FARP2: variants seen among roughly 807,000 people sequenced by gnomAD.
FARP2 encodes FERM, ARHGEF and pleckstrin domain-containing protein 2.
FARP2 carries 111 observed loss-of-function variants against 130.5 expected under a neutral mutation model. That is an observed-to-expected ratio of 0.85 (90% CI 0.73 to 1.00). The LOEUF (loss-of-function observed/expected upper bound fraction) is 1.00, where lower values mean the gene tolerates loss of function less well. Among genes scored for constraint, FARP2 ranks in the 50% least tolerant of loss-of-function variants. FARP2 has a pLI of 0.00. For synonymous variants in FARP2, 504 were observed against 516.9 expected, an observed-to-expected ratio of 0.98 and a Z score of 0.34; for missense variants, 1,385 against 1,346.3, an observed-to-expected ratio of 1.03 and a Z score of -0.45.
intron 18 of FARP2, among the ~76,000 whole-genome samples, chr2:241,469,334 C>T (rs1401209054): frequency 2.0e-5 from 3 of 152,140 alleles, no homozygotes; most frequent in African/African-American, 7.2e-5. Flanking sequence ...ATCCGCCTGC[C>T]TCAACCTCCC....
At chr2:241,369,095 T>C (rs373479769) in intron 1 of FARP2, among the ~76,000 whole-genome samples, 7 of 152,184 alleles carry the variant, frequency 4.6e-5, no homozygotes, top group African/African-American at 1.7e-4. Context: ...CTGTCTGGGC[T>C]AAATGAAAAT....
chr2:241,381,407 GA>G (rs1479694082), intron 2 of FARP2, among the ~76,000 whole-genome samples: 1 of 152,106 alleles, frequency 6.6e-6, no homozygotes, highest in Admixed American at 6.6e-5. Flanking sequence ...CTGGAGCGTG[GA>G]CTTCCCACCT....
At chr2:241,493,730 G>T (rs1485369023) in intron 26 of FARP2, 1 of 512,836 alleles carries the variant, frequency 1.9e-6, no homozygotes, top group Non-Finnish European at 3.5e-6. Context: ...GAGTAACTGA[G>T]ATTACAGGCA....
chr2:241,493,697 C>T (rs1432301447), intron 26 of FARP2: 7 of 532,518 alleles, frequency 1.3e-5, no homozygotes, highest in Middle Eastern at 5.0e-4. Flanking sequence ...AGGGTTCAAG[C>T]GATTCTTCTG....
intron 13 of FARP2, among the ~76,000 whole-genome samples, chr2:241,449,880 G>A (rs544471016): frequency 3.3e-5 from 5 of 151,966 alleles, no homozygotes; most frequent in African/African-American, 1.2e-4. Flanking sequence ...GGTGGCGGGT[G>A]CCTGTAATCC....
At chr2:241,441,164 A>G (rs2063372912) in intron 12 of FARP2, 140 bp from the exon 13 acceptor site, 2 of 687,248 alleles carry the variant, frequency 2.9e-6, no homozygotes, top group South Asian at 2.1e-5. Flanking sequence ...TACAAGGGAA[A>G]GTCTAGTGAA....
chr2:241,437,733 C>T (rs922473559), intron 12 of FARP2, among the ~76,000 whole-genome samples: 8 of 149,818 alleles, frequency 5.3e-5, no homozygotes, highest in Non-Finnish European at 1.0e-4. Context: ...GGCGCGATCT[C>T]GGCTCACTGC....
chr2:241,356,559 C>A (rs1036150176), intron 1 of FARP2, among the ~76,000 whole-genome samples, 171 bp downstream of exon 1: 1 of 152,234 alleles, frequency 6.6e-6, no homozygotes, highest in African/African-American at 2.4e-5. Context: ...GGCTGGAGCT[C>A]CTAGGCGGGT....
At chr2:241,449,698 C>G (rs889445712) in intron 13 of FARP2, among the ~76,000 whole-genome samples, 12 of 151,710 alleles carry the variant, frequency 7.9e-5, no homozygotes, top group African/African-American at 2.9e-4. Flanking sequence ...GAGACTGCCA[C>G]AAAGAAAATC....
chr2:241,474,746 C>A (rs572182803), intron 18 of FARP2, among the ~76,000 whole-genome samples: 1 of 151,482 alleles, frequency 6.6e-6, no homozygotes, highest in South Asian at 2.1e-4. Flanking sequence ...GAGCCAAGAT[C>A]GTGCCACTGC....
chr2:241,407,032 TCTC>T (rs2062377061), intron 4 of FARP2, among the ~76,000 whole-genome samples: 1 of 151,864 alleles, frequency 6.6e-6, no homozygotes, highest in African/African-American at 2.4e-5. Context: ...ATGGTCTCGA[TCTC>T]CTGACCTTGT....
In FARP2 at chr2:241,373,149, A is replaced by G; in HGVS notation, c.42A>G (p.Ala14=). 6.5e-7 allele frequency: 1 copy of G among 1,542,622 alleles called. No individual in the cohort carries two copies. Among genetic ancestry groups the G allele is most frequent in the South Asian group, 1.2e-5 (1 of 83,160 alleles). ...IEGTYRVLQT[A]GMRLGAQTPV... Reference sequence around the variant, plus strand: ...GAACATACAGAGTCCTGCAGACTGCAGGGATGCGCTTGGGTGCCCAGACCC... The same window carrying G: ...GAACATACAGAGTCCTGCAGACTGCGGGGATGCGCTTGGGTGCCCAGACCC... The change falls in exon 2 of 27, where the codon GCA becomes GCG. Residue 14 remains alanine (A), a synonymous_variant. Transcript: ENST00000264042.
intron 8 of FARP2, among the ~76,000 whole-genome samples, chr2:241,427,137 A>C (rs1426842104): frequency 2.0e-5 from 3 of 152,160 alleles, no homozygotes; most frequent in Admixed American, 2.0e-4. Flanking sequence ...CAGGAGGCTG[A>C]GGTAGGAGAA....
At chr2:241,489,161 G>T (rs1174009249) in intron 21 of FARP2, 3 of 152,208 alleles carry the variant, frequency 2.0e-5, no homozygotes, top group African/African-American at 7.2e-5. Context: ...AGGCTTGGTT[G>T]GTGTATCAGG....
chr2:241,407,760 C>T, intron 5 of FARP2, 145 bp downstream of exon 5: 1 of 603,322 alleles, frequency 1.7e-6, no homozygotes, highest in Admixed American at 3.1e-5. Flanking sequence ...TTAACAGAAG[C>T]ATGTTGGCAG....
At chr2:241,396,658 G>A (rs535650011) in intron 2 of FARP2, among the ~76,000 whole-genome samples, 1 of 152,286 alleles carries the variant, frequency 6.6e-6, no homozygotes, top group South Asian at 2.1e-4. Flanking sequence ...CAGTTAGAAT[G>A]GCGATCATTA....
intron 2 of FARP2, chr2:241,395,645 T>C (rs2062012664): frequency 6.6e-6 from 1 of 152,244 alleles, no homozygotes; most frequent in Non-Finnish European, 1.5e-5. Context: ...CACCTTTTAA[T>C]AACTTATGTC....
At chr2:241,493,843 T>C (rs2065026329) in intron 26 of FARP2, 165 bp from the exon 27 acceptor site, 2 of 539,416 alleles carry the variant, frequency 3.7e-6, no homozygotes, top group Non-Finnish European at 6.7e-6. Context: ...GTGATCCATC[T>C]GCCTCAGCCT....
chr2:241,417,873 T>C (rs2062715534), intron 7 of FARP2, 89 bp from the exon 8 acceptor site: 4 of 1,416,798 alleles, frequency 2.8e-6, no homozygotes, highest in Admixed American at 3.6e-5. Context: ...GCCTTCATTG[T>C]TGGTTTTCCT....
Sources: gnomAD v4.1 joint callset for allele counts (sites outside exome capture counted in the v4.1 genomes callset) on GRCh38, gnomAD v4.1.1 for gene constraint, MANE v1.5 for transcripts, NCBI Gene and HGNC (gene_info 2026-07-23, HGNC 2026-07-21) for gene names.